TASP1: variants seen among roughly 807,000 people sequenced by gnomAD.
TASP1 encodes threonine aspartase 1.
TASP1 carries 16 observed loss-of-function variants against 56.6 expected under a neutral mutation model. The observed-to-expected ratio is 0.28, with a 90% CI of 0.19 to 0.43. TASP1 has a LOEUF of 0.43. Among genes scored for constraint, TASP1 ranks in the 20% least tolerant of loss-of-function variants. The pLI, the probability that TASP1 is intolerant of heterozygous loss-of-function variation, is 1.00. For synonymous variants in TASP1, 179 were observed against 184.2 expected, an observed-to-expected ratio of 0.97 and a Z score of 0.23; for missense variants, 393 against 511.6, an observed-to-expected ratio of 0.77 and a Z score of 2.24.
chr20:13,598,768 T>A (rs563212953), intron 4 of TASP1, among the ~76,000 whole-genome samples: 1 of 152,026 alleles, frequency 6.6e-6, no homozygotes, highest in South Asian at 2.1e-4. Flanking sequence ...TGGGAGAAAA[T>A]TTTTGCAATC....
chr20:13,612,275 C>T (rs550255324), intron 4 of TASP1, among the ~76,000 whole-genome samples: 2 of 152,194 alleles, frequency 1.3e-5, no homozygotes, highest in Admixed American at 6.5e-5. Flanking sequence ...ATTTGTAATA[C>T]CTTTTTCCTT....
At chr20:13,400,210 A>G (rs984873483) in intron 13 of TASP1, among the ~76,000 whole-genome samples, 2 of 152,206 alleles carry the variant, frequency 1.3e-5, no homozygotes, top group African/African-American at 4.8e-5. Context: ...GTACCTCAAT[A>G]TAGAAGGCAC....
the TASP1 span, among the ~76,000 whole-genome samples, chr20:13,334,724 A>T: frequency 6.6e-6 from 1 of 152,238 alleles, no homozygotes; most frequent in Non-Finnish European, 1.5e-5. Context: ...TCCAAAAAAG[A>T]TTAAAATTTC....
At chr20:13,560,912 G>A (rs1601249052) in intron 7 of TASP1, among the ~76,000 whole-genome samples, 1 of 152,132 alleles carries the variant, frequency 6.6e-6, no homozygotes, top group East Asian at 1.9e-4. Context: ...TCCATACCAA[G>A]GCACATTATA....
At chr20:13,359,026 C>T in the TASP1 span, among the ~76,000 whole-genome samples, 7 of 150,434 alleles carry the variant, frequency 4.7e-5, no homozygotes, top group South Asian at 2.1e-4. Context: ...TCACCCTTAG[C>T]GGCAAGTCCC....
At chr20:13,586,701 T>C (rs1390790151) in intron 5 of TASP1, among the ~76,000 whole-genome samples, 2 of 152,100 alleles carry the variant, frequency 1.3e-5, no homozygotes, top group Non-Finnish European at 2.9e-5. Context: ...AAATGAATTA[T>C]AAAACATGAG....
chr20:13,195,107 C>T, the TASP1 span, among the ~76,000 whole-genome samples: 3 of 152,106 alleles, frequency 2.0e-5, no homozygotes, highest in Admixed American at 6.5e-5. Flanking sequence ...CATGCCTTGG[C>T]GCCCTTAAAA....
Position 13,440,448 on chromosome 20 carries a change from C to T in TASP1, c.986-5294G>A, listed in dbSNP as rs149692390. 7.2e-5 allele frequency among the ~76,000 whole-genome samples: 11 copies of T among 151,936 alleles called. No homozygotes were observed. In the East Asian group the frequency reaches 2.1e-3, roughly 29 times the overall value. The stretch of plus-strand genomic sequence containing the variant: ...AATTGGAGCATGAAGCCAGAAGAGG[C>T]CAGGAAAGGTAATTCTAAGGGGAGG... On this transcript the variant is annotated intron_variant, in intron 11 of 13. Coordinates refer to ENST00000337743, the MANE Select transcript of TASP1 (RefSeq NM_017714.3).
chr20:13,379,578 TCTTTGTGGTGTTCTCTATATTTCCTA>T, the TASP1 span, among the ~76,000 whole-genome samples: 1 of 152,076 alleles, frequency 6.6e-6, no homozygotes, highest in African/African-American at 2.4e-5. Context: ...TCAAGGAGTA[TCTTTGTGGTGTTCTCTATATTTCCTA>T]CATTTGAATG....
chr20:13,584,158 G>C (rs918914282), intron 5 of TASP1, among the ~76,000 whole-genome samples: 7 of 152,032 alleles, frequency 4.6e-5, no homozygotes, highest in Non-Finnish European at 1.0e-4. Context: ...TTAACAAACT[G>C]TACTTATTGT....
At chr20:13,134,857 T>C in the TASP1 span, among the ~76,000 whole-genome samples, 2 of 152,226 alleles carry the variant, frequency 1.3e-5, no homozygotes, top group African/African-American at 4.8e-5. Flanking sequence ...TCCATTTCTT[T>C]AAATCTGTGT....
chr20:13,127,840 G>T, the TASP1 span, among the ~76,000 whole-genome samples: 1 of 152,278 alleles, frequency 6.6e-6, no homozygotes, highest in Non-Finnish European at 1.5e-5. Context: ...TTCCAGGCTT[G>T]CCTTTTCGGT....
chr20:13,543,323 G>A lies in TASP1; in HGVS notation c.676-9182C>T, dbSNP rs147409648. On this transcript the variant is annotated intron_variant, in intron 8 of 13. Coordinates refer to ENST00000337743, the MANE Select transcript of TASP1 (RefSeq NM_017714.3). ...TTCCAGAAAAAGATTTCTTGGCCAC[G>A]CACAGTGGCTCACGCCTGTAATCCC... 1.4e-4 allele frequency among the ~76,000 whole-genome samples: 21 copies of A among 151,992 alleles called. No homozygotes were observed. In the East Asian group the frequency reaches 3.1e-3, roughly 22 times the overall value.
the TASP1 span, among the ~76,000 whole-genome samples, chr20:13,172,969 C>T: frequency 6.6e-6 from 1 of 152,160 alleles, no homozygotes; most frequent in African/African-American, 2.4e-5. Flanking sequence ...AAGCAATCTC[C>T]TCCACATGGT....
rs191780193 is a variant in TASP1, at chr20:13,441,839, T to C, written c.986-6685A>G. Among the ~76,000 whole-genome samples, 280 of 152,210 alleles carry C rather than the reference T, an allele frequency of 1.8e-3. 6 individuals carry two copies. The highest frequency in any genetic ancestry group is 0.018 in the Admixed American group (277 of 15,298). On this transcript the variant is annotated intron_variant, in intron 11 of 13. Transcript: ENST00000337743. ...CAATATATTCTGCAAGTAGAACTAA[T>C]AGAGTTGTTGATGGAAGGGACATGA...
rs375672705 is a variant in TASP1, at chr20:13,394,346, C to G, written c.1171-3894G>C. 4.2e-3 allele frequency among the ~76,000 whole-genome samples: 611 copies of G among 145,270 alleles called. 15 individuals carry two copies. The highest frequency in any genetic ancestry group is 0.016 in the African/African-American group (575 of 36,790). ...AAAAAAAAGGCCTGGTGCGGTAGCT[C>G]ACGCCTGTAATCCCAGCACTTTGGG... On this transcript the variant is annotated intron_variant, in intron 13 of 13. Coordinates refer to ENST00000337743, the MANE Select transcript of TASP1 (RefSeq NM_017714.3).
chr20:13,436,257 T>A (rs949398207), intron 11 of TASP1, among the ~76,000 whole-genome samples: 6 of 152,156 alleles, frequency 3.9e-5, no homozygotes, highest in African/African-American at 1.4e-4. Flanking sequence ...AGATGGTAGG[T>A]TGACAGTGTC....
At chr20:13,477,362 T>C (rs989509678) in intron 11 of TASP1, among the ~76,000 whole-genome samples, 1 of 152,080 alleles carries the variant, frequency 6.6e-6, no homozygotes, top group Non-Finnish European at 1.5e-5. Context: ...AGATTGTAGG[T>C]TTATAAGACT....
the TASP1 span, among the ~76,000 whole-genome samples, chr20:13,200,492 TTC>T: frequency 8.0e-5 from 12 of 150,432 alleles, no homozygotes; most frequent in Non-Finnish European, 1.2e-4. Context: ...CTAGTGAAGT[TTC>T]TCTCTCTCTC....
Sources: allele counts gnomAD v4.1 joint callset (sites outside exome capture counted in the v4.1 genomes callset), GRCh38; gene constraint gnomAD v4.1.1; transcripts MANE v1.5; gene names NCBI Gene and HGNC (gene_info 2026-07-23, HGNC 2026-07-21).